The following SLC9A3 variants were observed in gnomAD, a reference collection of about 807,000 sequenced individuals.
SLC9A3 encodes solute carrier family 9 member A3, also known as sodium/hydrogen exchanger 3.
SLC9A3 carries 37 observed loss-of-function variants against 86.8 expected under a neutral mutation model. The ratio of observed to expected loss-of-function variants is 0.43; its 90% CI spans 0.33 to 0.56. SLC9A3 has a LOEUF of 0.56. Ranked by LOEUF, SLC9A3 falls within the 20% of genes least tolerant of loss-of-function variation. SLC9A3 has a pLI of 0.06. For missense variants in SLC9A3, 1,011 were observed against 1,171.9 expected (o/e 0.86, Z 2.00); for synonymous variants, 581 against 528.3 (o/e 1.10, Z -1.37).
At chr5:504,618 G>A (rs1420176046) in intron 1 of SLC9A3, among the ~76,000 whole-genome samples, 1 of 152,244 alleles carries the variant, frequency 6.6e-6, no homozygotes, top group Non-Finnish European at 1.5e-5. Flanking sequence ...AGCCCAGAGG[G>A]CTCGGGGTGG....
intron 15 of SLC9A3, 62 bp from the exon 16 acceptor site, chr5:475,194 C>A: frequency 6.7e-7 from 1 of 1,498,316 alleles, no homozygotes; most frequent in Non-Finnish European, 8.9e-7. Context: ...GGGGAGACCT[C>A]GCCGGGGCCG....
chr5:480,647 G>T (rs1297375928), intron 9 of SLC9A3: 1 of 152,314 alleles, frequency 6.6e-6, no homozygotes, highest in Non-Finnish European at 1.5e-5. Context: ...CCCCCGGGAT[G>T]GCCCCTGGGA....
chr5:499,055 T>C (rs1740153594), intron 1 of SLC9A3, among the ~76,000 whole-genome samples: 1 of 151,976 alleles, frequency 6.6e-6, no homozygotes, highest in African/African-American at 2.4e-5. Flanking sequence ...AGGGGAAGGG[T>C]CTCGTTCTCA....
chr5:473,736 TGCCTCCCAGG>T (rs1245936797), intron 16 of SLC9A3, among the ~76,000 whole-genome samples: 1 of 152,030 alleles, frequency 6.6e-6, no homozygotes. Flanking sequence ...GTCCCCCGGG[TGCCTCCCAGG>T]CCCCCAGAGG....
Position 475,643 on chromosome 5 carries a change from G to T in SLC9A3, c.2169C>A (p.Pro723=). The T allele has an allele frequency of 6.4e-7, 1 of 1,551,700 alleles. No individual in the cohort carries two copies. The highest frequency in any genetic ancestry group is 8.7e-7 in the Non-Finnish European group (1 of 1,146,724). ...CACTCATCTCCTCATCATAGTTGGG[G>T]GGCTCCTCGGTGTCTGAAAGTTCCA... The part of the protein sequence containing the change: ...KDLELSDTEE[P]PNYDEEMSGG... The change falls in exon 15 of 17, where the codon CCC becomes CCA. Residue 723 remains proline (P), a synonymous_variant. Coordinates refer to ENST00000264938, the MANE Select transcript of SLC9A3 (RefSeq NM_004174.4).
intron 16 of SLC9A3, 40 bp downstream of exon 16, chr5:474,843 G>T (rs779440613): frequency 6.5e-7 from 1 of 1,540,916 alleles, no homozygotes; most frequent in African/African-American, 1.4e-5. Flanking sequence ...GAGAGGAGCT[G>T]CGGAGAGGGG....
At chr5:492,800 A>C (rs1739846946) in intron 1 of SLC9A3, among the ~76,000 whole-genome samples, 1 of 152,044 alleles carries the variant, frequency 6.6e-6, no homozygotes, top group Non-Finnish European at 1.5e-5. Context: ...GCCTGCTCCC[A>C]CTTGAGGCTG....
At chr5:522,476 A>C (rs546544814) in intron 1 of SLC9A3, among the ~76,000 whole-genome samples, 2 of 152,218 alleles carry the variant, frequency 1.3e-5, no homozygotes, top group Admixed American at 1.3e-4. Flanking sequence ...TTAGATATTC[A>C]CGGCCGGGCG....
intron 1 of SLC9A3, 87 bp downstream of exon 1, chr5:524,025 A>C: frequency 2.2e-6 from 2 of 889,346 alleles, no homozygotes; most frequent in Non-Finnish European, 3.2e-6. Flanking sequence ...CTCCGACCTG[A>C]TGCGCGCGGC....
chr5:477,364 C>T lies in SLC9A3; in HGVS notation c.1728G>A (p.Ser576=), dbSNP rs117027344. 4,870 of 1,612,256 alleles carry T rather than the reference C, an allele frequency of 3.0e-3. 86 individuals are homozygous for T. The highest frequency in any genetic ancestry group is 0.024 in the Admixed American group (1,412 of 59,862). The change falls in exon 11 of 17, where the codon TCG becomes TCA. Residue 576 remains serine, a synonymous_variant. Coordinates refer to ENST00000264938, the MANE Select transcript of SLC9A3 (RefSeq NM_004174.4). Reference sequence around the variant, plus strand: ...AGGAGACAGAGGCCTCCACGGTGGACGATCGTGGCGTGAAGTCCACGTTGA... The same window carrying T: ...AGGAGACAGAGGCCTCCACGGTGGATGATCGTGGCGTGAAGTCCACGTTGA... ...NVVNVDFTPR[S]STVEASVSYL...
At chr5:477,310 C>T (rs1397439849) in intron 11 of SLC9A3, 22 bp downstream of exon 11, 3 of 1,526,968 alleles carry the variant, frequency 2.0e-6, no homozygotes, top group African/African-American at 2.7e-5. Context: ...CCCAGGGAAG[C>T]TGCATGACCA....
At chr5:481,375 C>G (rs1739152997) in intron 9 of SLC9A3, among the ~76,000 whole-genome samples, 190 bp downstream of exon 9, 1 of 152,200 alleles carries the variant, frequency 6.6e-6, no homozygotes, top group Admixed American at 6.5e-5. Flanking sequence ...CCAACTGCTG[C>G]CGCCAACTCC....
intron 1 of SLC9A3, among the ~76,000 whole-genome samples, chr5:502,110 A>T (rs1172240767): frequency 2.6e-5 from 4 of 152,270 alleles, no homozygotes; most frequent in Non-Finnish European, 4.4e-5. Context: ...AAATTGAAAC[A>T]TGAATGTTGC....
chr5:473,156 C>CGGCGCAGGCCCCGCCCCG lies in SLC9A3; in HGVS notation c.*222_*223insCGGGGCGGGGCCTGCGCC. 1 of 388,368 alleles carries CGGCGCAGGCCCCGCCCCG rather than the reference C, an allele frequency of 2.6e-6. No individual in the cohort carries two copies. Among genetic ancestry groups the CGGCGCAGGCCCCGCCCCG allele is most frequent in the Non-Finnish European group, 4.1e-6 (1 of 241,188 alleles). The allele number at this position is 388,368 out of a possible 1,614,324, so 24.1% of individuals were successfully genotyped here. ...GCCCTCGGCGCTCCGGCCCCGCCCC[C>CGGCGCAGGCCCCGCCCCG]GGCGCAGGCCCCGCCCCCGGCTCGC... On this transcript the variant is annotated 3_prime_UTR_variant, in exon 17 of 17. Coordinates refer to ENST00000264938, the MANE Select transcript of SLC9A3 (RefSeq NM_004174.4).
Position 491,737 on chromosome 5 carries a change from TCC to T in SLC9A3, c.514+30_514+31del, listed in dbSNP as rs1739752488. The T allele has an allele frequency of 2.0e-6, 3 of 1,482,748 alleles. No homozygotes were observed. The East Asian group carries it at 7.5e-5, about 37-fold the overall frequency. The allele number at this position is 1,482,748 out of a possible 1,614,324, so 91.8% of individuals were successfully genotyped here. On this transcript the variant is annotated intron_variant, in intron 2 of 16. Transcript: ENST00000264938. This position sits in a 1 kb window ranked among gnomAD's most constrained non-coding sequence, Gnocchi z 9.2. ...CCGCCCCTCCCGGACCCCACCCTGA[TCC>T]CGGCCGGGGCAACAGTGGCGCAGAC...
chr5:487,780 G>C (rs1739538772), intron 3 of SLC9A3, among the ~76,000 whole-genome samples: 1 of 152,230 alleles, frequency 6.6e-6, no homozygotes, highest in African/African-American at 2.4e-5. Flanking sequence ...TGATTCTCCT[G>C]TCTCAGCCTC....
At chr5:514,008 G>A (rs764447002) in intron 1 of SLC9A3, among the ~76,000 whole-genome samples, 1 of 152,210 alleles carries the variant, frequency 6.6e-6, no homozygotes, top group African/African-American at 2.4e-5. Flanking sequence ...TTCCCCCACT[G>A]TGTGCTGGGT....
intron 16 of SLC9A3, 93 bp from the exon 17 acceptor site, chr5:473,475 G>A: frequency 3.7e-6 from 4 of 1,093,748 alleles, no homozygotes; most frequent in Non-Finnish European, 4.7e-6. Flanking sequence ...CGAGCCCGGC[G>A]GCTCTCGCCT....
In SLC9A3 at chr5:503,025, A is replaced by C. The variant is rs1227414390; in HGVS notation, c.212-10954T>G. Among the ~76,000 whole-genome samples the C allele has an allele frequency of 3.9e-5, 6 of 152,078 alleles. No individual in the cohort carries two copies. In the South Asian group the frequency reaches 1.2e-3, roughly 31 times the overall value. ...GTTCCAGTGAAACTTTATTTACAAC[A>C]ACCAGTGGCCGGCCCACGGGCTGTA... On this transcript the variant is annotated intron_variant, in intron 1 of 16. Transcript: ENST00000264938.
Sources: gnomAD v4.1 joint callset for allele counts (sites outside exome capture counted in the v4.1 genomes callset) on GRCh38, gnomAD v4.1.1 for gene constraint, Gnocchi (gnomAD v3.1) non-coding constraint, MANE v1.5 for transcripts, NCBI Gene and HGNC (gene_info 2026-07-23, HGNC 2026-07-21) for gene names.